KIAA0753: variants seen among roughly 807,000 people sequenced by gnomAD.
KIAA0753 encodes KIAA0753.
In KIAA0753, 114 loss-of-function variants were observed where a neutral mutation model predicts 116.9. That is an observed-to-expected ratio of 0.98 (90% confidence interval 0.84 to 1.14). The LOEUF is 1.14. Ranked by LOEUF, KIAA0753 falls within the 50% of genes most tolerant of loss-of-function variation. KIAA0753 has a pLI of 0.00. For missense variants in KIAA0753, 1,156 were observed against 1,172.4 expected (o/e 0.99, Z 0.20); for synonymous variants, 405 against 413.1 (o/e 0.98, Z 0.24).
intron 3 of KIAA0753, among the ~76,000 whole-genome samples, chr17:6,626,715 C>T (rs72835762): frequency 0.17 from 26,026 of 152,176 alleles, 2,785 homozygotes; most frequent in African/African-American, 0.29. Context: ...TATATGTTTA[C>T]GTGTTTCCAT....
At chr17:6,596,804 C>T (rs1299064597) in intron 14 of KIAA0753, among the ~76,000 whole-genome samples, 1 of 152,196 alleles carries the variant, frequency 6.6e-6, no homozygotes, top group African/African-American at 2.4e-5. Flanking sequence ...CTGTACCTAT[C>T]ATCTGGGAGA....
At position 6,628,252 on chromosome 17, in the gene KIAA0753, C is replaced by A. The variant is rs1390600330; in HGVS notation, c.583G>T (p.Asp195Tyr). Residue 195 changes from aspartate (D) to tyrosine (Y), a missense_variant, in exon 3 of 19, where the codon GAT becomes TAT. Transcript: ENST00000361413. Reference protein sequence around the residue: ...LTVPNSPPTHDPGLQPHPRIG... With the variant: ...LTVPNSPPTHYPGLQPHPRIG... ...CTGGGATGAGGCTGAAGTCCCGGAT[C>A]ATGGGTGGGTGGCGAATTTGGCACA... 1.2e-6 allele frequency: 2 copies of A among 1,614,022 alleles called. No individual in the cohort carries two copies. The highest frequency in any genetic ancestry group is 2.7e-5 in the African/African-American group (2 of 74,900).
chr17:6,632,643 C>A (rs1302742766), intron 2 of KIAA0753, among the ~76,000 whole-genome samples: 2 of 152,154 alleles, frequency 1.3e-5, no homozygotes, highest in African/African-American at 4.8e-5. Context: ...AATGAAAAAA[C>A]CAGGCAGATA....
rs1161557672 is a variant in KIAA0753 at position 6,628,450 on chromosome 17, A to G, written c.385T>C (p.Ser129Pro). 2 of 1,614,130 alleles carry G rather than the reference A, an allele frequency of 1.2e-6. No homozygotes were observed. The highest frequency in any genetic ancestry group is 1.7e-6 in the Non-Finnish European group (2 of 1,180,034). The change falls in exon 3 of 19, where the codon TCT becomes CCT. Residue 129 changes from serine (S) to proline (P), a missense_variant. Ser to Pro is a moderately conservative substitution (Grantham distance 74). Transcript: ENST00000361413. Reference sequence around the variant, plus strand: ...TACTTAGTATGTCCACACTTCTGAGAGCTTTGAGGCTGACTTCTGAGATGA... The same window carrying G: ...TACTTAGTATGTCCACACTTCTGAGGGCTTTGAGGCTGACTTCTGAGATGA... ...EHHLRSQPQS[S>P]QKCGHTKYKI...
At chr17:6,607,124 T>A in intron 11 of KIAA0753, 57 bp downstream of exon 11, 1 of 1,391,446 alleles carries the variant, frequency 7.2e-7, no homozygotes, top group African/African-American at 1.4e-5. Flanking sequence ...ATCATTAATG[T>A]ATAGAGATGT....
At position 6,589,863 on chromosome 17, in the gene KIAA0753, T is replaced by G. The variant is rs1461310603; in HGVS notation, c.2702A>C (p.Asp901Ala). Reference protein sequence around the residue: ...VPPGMQHSIGDYCSRFEQYLR... With the variant: ...VPPGMQHSIGAYCSRFEQYLR... The stretch of plus-strand genomic sequence containing the variant: ...GTACTGCTCAAAACGACTACAGTAG[T>G]CACCGATGCTGTGCTGCATACCCGG... The change falls in exon 18 of 19, where the codon GAC becomes GCC. Residue 901 changes from aspartate to alanine, a missense_variant. Coordinates refer to ENST00000361413, the MANE Select transcript of KIAA0753 (RefSeq NM_014804.3). 6.2e-7 allele frequency: 1 copy of G among 1,614,060 alleles called. No individual in the cohort carries two copies. Among genetic ancestry groups the G allele is most frequent in the East Asian group, 2.2e-5 (1 of 44,880 alleles).
rs142302718 is a variant in KIAA0753 at position 6,580,040 on chromosome 17, C to T, written c.2787-176G>A. 1.6e-3 allele frequency among the ~76,000 whole-genome samples: 245 copies of T among 151,932 alleles called. 1 individual carries two copies. Among genetic ancestry groups the T allele is most frequent in the African/African-American group, 5.2e-3 (217 of 41,472 alleles). On this transcript the variant is annotated intron_variant, in intron 18 of 18. Coordinates refer to ENST00000361413, the MANE Select transcript of KIAA0753 (RefSeq NM_014804.3). ...TCTACTAAAAATACATAAAATTAGC[C>T]GGGCGTGGTGGCATGCACACCTATA...
At chr17:6,616,046 G>C (rs1306976151) in intron 7 of KIAA0753, among the ~76,000 whole-genome samples, 1 of 152,096 alleles carries the variant, frequency 6.6e-6, no homozygotes, top group African/African-American at 2.4e-5. Context: ...GGAAGAATAG[G>C]GTAGAGTGAT....
rs775240377 is a variant in KIAA0753, at chr17:6,579,806, T to C, written c.2845A>G (p.Met949Val). The C allele has an allele frequency of 5.6e-6, 9 of 1,613,990 alleles. No individual in the cohort carries two copies. Among genetic ancestry groups the C allele is most frequent in the Non-Finnish European group, 7.6e-6 (9 of 1,180,014 alleles). Residue 949 changes from methionine (M) to valine (V), a missense_variant, in exon 19 of 19, where the codon ATG becomes GTG. Physicochemically the swap from Met to Val is conservative, Grantham distance 21. Coordinates refer to ENST00000361413, the MANE Select transcript of KIAA0753 (RefSeq NM_014804.3). ...LGAVAAELQD[M>V]CEDYAEAVFT... is the part of the protein sequence containing the mutation. ...ACAGCTTCTGCATAATCTTCGCACATATCCTGAAGTTCAGCAGCCACAGCA... is the reference window on the plus strand; with the variant it reads ...ACAGCTTCTGCATAATCTTCGCACACATCCTGAAGTTCAGCAGCCACAGCA...
intron 18 of KIAA0753, among the ~76,000 whole-genome samples, chr17:6,580,157 G>C (rs980396924): frequency 2.0e-5 from 3 of 151,730 alleles, no homozygotes; most frequent in African/African-American, 7.3e-5. Context: ...CTGCACTCCA[G>C]CCTGGGCAAC....
intron 18 of KIAA0753, among the ~76,000 whole-genome samples, chr17:6,588,382 G>C (rs1968737881): frequency 6.6e-6 from 1 of 152,072 alleles, no homozygotes; most frequent in Admixed American, 6.6e-5. Flanking sequence ...CTATTACAGG[G>C]AGACGTAAGC....
chr17:6,631,758 G>A (rs542850572), intron 2 of KIAA0753, among the ~76,000 whole-genome samples: 1 of 152,180 alleles, frequency 6.6e-6, no homozygotes, highest in Non-Finnish European at 1.5e-5. Context: ...ATAGTATCAA[G>A]GAGCACATCC....
chr17:6,634,983 T>C, intron 2 of KIAA0753, 28 bp downstream of exon 2: 1 of 1,402,426 alleles, frequency 7.1e-7, no homozygotes, highest in South Asian at 1.2e-5. Flanking sequence ...TATTTAATAA[T>C]AAAAATCTCA....
chr17:6,612,267 G>C, intron 7 of KIAA0753, 119 bp from the exon 8 acceptor site: 1 of 721,072 alleles, frequency 1.4e-6, no homozygotes, highest in Non-Finnish European at 2.3e-6. Flanking sequence ...CTGAGAAGCA[G>C]ATGTTTTGTT....
intron 12 of KIAA0753, among the ~76,000 whole-genome samples, chr17:6,606,291 T>A (rs1970189829): frequency 6.6e-6 from 1 of 152,216 alleles, no homozygotes; most frequent in African/African-American, 2.4e-5. Flanking sequence ...GCACAGATGT[T>A]TCAATGAGTG....
At chr17:6,606,340 T>C (rs1455999671) in intron 12 of KIAA0753, among the ~76,000 whole-genome samples, 1 of 152,160 alleles carries the variant, frequency 6.6e-6, no homozygotes, top group Admixed American at 6.5e-5. Context: ...ATTATCAGAG[T>C]TGGAAAAATG....
In KIAA0753 at chr17:6,596,201, C is replaced by T. The variant is rs77092221; in HGVS notation, c.2315G>A (p.Ser772Asn). 6 of 1,613,938 alleles carry T rather than the reference C, an allele frequency of 3.7e-6. No individual in the cohort carries two copies. Among genetic ancestry groups the T allele is most frequent in the Non-Finnish European group, 5.1e-6 (6 of 1,179,850 alleles). The change falls in exon 15 of 19, where the codon AGC becomes AAC. Residue 772 changes from serine (S) to asparagine (N), a missense_variant. By Grantham distance (46) the Ser-to-Asn change is conservative. Coordinates refer to ENST00000361413, the MANE Select transcript of KIAA0753 (RefSeq NM_014804.3). ...TLATVEDSKD[S>N]PDLEIMMRRM... The stretch of plus-strand genomic sequence containing the variant: ...GCGCATCATGATCTCCAGATCTGGG[C>T]TATCCTTGCTGTCCTCAACGGTGGC...
chr17:6,606,980 G>A lies in KIAA0753; in HGVS notation c.1920-18C>T. ...AATCAAGCCTAGAGAACAGTATCAA[G>A]AGTCACCCCAACTCTCCTCAAGGCA... On this transcript the variant is annotated intron_variant, in intron 11 of 18. Coordinates refer to ENST00000361413, the MANE Select transcript of KIAA0753 (RefSeq NM_014804.3). 1 of 1,609,456 alleles carries A rather than the reference G, an allele frequency of 6.2e-7. No individual in the cohort carries two copies. Among genetic ancestry groups the A allele is most frequent in the Non-Finnish European group, 8.5e-7 (1 of 1,175,806 alleles).
chr17:6,623,233 A>T, intron 5 of KIAA0753, 136 bp from the exon 6 acceptor site: 1 of 912,036 alleles, frequency 1.1e-6, no homozygotes, highest in South Asian at 1.8e-5. Flanking sequence ...TTCATAGTAA[A>T]GGGAGTTGTA....
Sources: allele counts gnomAD v4.1 joint callset (sites outside exome capture counted in the v4.1 genomes callset), GRCh38; gene constraint gnomAD v4.1.1; transcripts MANE v1.5; gene names NCBI Gene and HGNC (gene_info 2026-07-23, HGNC 2026-07-21).